The following DCC variants were observed in gnomAD, a reference collection of about 807,000 sequenced individuals.
DCC encodes the protein netrin receptor DCC.
Under a neutral mutation model 172.5 loss-of-function variants are expected in DCC, and 58 were observed. That is an observed-to-expected ratio of 0.34 (90% confidence interval 0.27 to 0.42). The LOEUF (loss-of-function observed/expected upper bound fraction) is 0.42, where lower values mean the gene tolerates loss of function less well. DCC is among the 10% of genes least tolerant of loss of function. DCC has a pLI of 1.00. For synonymous variants in DCC, 709 were observed against 644.5 expected, an observed-to-expected ratio of 1.10 and a Z score of -1.52; for missense variants, 1,740 against 1,791.0, an observed-to-expected ratio of 0.97 and a Z score of 0.51.
At chr18:53,398,187 A>C (rs1035722092) in intron 18 of DCC, among the ~76,000 whole-genome samples, 1 of 152,120 alleles carries the variant, frequency 6.6e-6, no homozygotes, top group Non-Finnish European at 1.5e-5. Context: ...GGTAAACTGC[A>C]CCAATTTTCA....
At chr18:52,772,511 G>C (rs559006035) in intron 2 of DCC, among the ~76,000 whole-genome samples, 46 of 152,248 alleles carry the variant, frequency 3.0e-4, no homozygotes, top group African/African-American at 9.4e-4. Flanking sequence ...TAATGTCCAA[G>C]GTACTTAATC....
chr18:53,272,323 G>A (rs1163063229), intron 12 of DCC, among the ~76,000 whole-genome samples: 2 of 152,040 alleles, frequency 1.3e-5, no homozygotes, highest in African/African-American at 4.8e-5. Context: ...TAAAATATTT[G>A]AGAAAACAAC....
chr18:53,394,165 G>T (rs930646249), intron 17 of DCC, among the ~76,000 whole-genome samples: 4 of 152,068 alleles, frequency 2.6e-5, no homozygotes, highest in Non-Finnish European at 4.4e-5. Flanking sequence ...CATGACCTGG[G>T]CTCATGGGTT....
intron 1 of DCC, among the ~76,000 whole-genome samples, chr18:52,430,455 C>T (rs1025909): frequency 0.019 from 2,859 of 152,022 alleles, 85 homozygotes; most frequent in African/African-American, 0.065. Context: ...AAGTGTGACT[C>T]GGAGGTTCTT....
intron 15 of DCC, among the ~76,000 whole-genome samples, chr18:53,367,029 C>G (rs1374116573): frequency 6.6e-6 from 1 of 152,050 alleles, no homozygotes; most frequent in East Asian, 1.9e-4. Flanking sequence ...TTGTCTGTAC[C>G]CTAACTAATA....
intron 25 of DCC, among the ~76,000 whole-genome samples, chr18:53,473,634 T>G (rs2045725660): frequency 6.6e-6 from 1 of 152,170 alleles, no homozygotes; most frequent in Non-Finnish European, 1.5e-5. Context: ...CCTCACAATA[T>G]TATCATGTGG....
At chr18:52,760,123 C>T (rs1367129956) in intron 2 of DCC, among the ~76,000 whole-genome samples, 3 of 152,162 alleles carry the variant, frequency 2.0e-5, no homozygotes, top group East Asian at 1.9e-4. Context: ...GTTTAATTGA[C>T]TCACAGTTCT....
chr18:53,029,476 A>C, intron 5 of DCC, among the ~76,000 whole-genome samples: 1 of 152,148 alleles, frequency 6.6e-6, no homozygotes, highest in East Asian at 1.9e-4. Flanking sequence ...GGCAGAGTCA[A>C]TTATACCTTC....
chr18:52,629,363 T>A (rs1039470292), intron 1 of DCC, among the ~76,000 whole-genome samples: 1 of 152,240 alleles, frequency 6.6e-6, no homozygotes, highest in East Asian at 1.9e-4. Context: ...TTTTTTCATT[T>A]TTTAAGCTGA....
At chr18:52,460,755 AG>A (rs1482563517) in intron 1 of DCC, among the ~76,000 whole-genome samples, 1 of 152,236 alleles carries the variant, frequency 6.6e-6, no homozygotes, top group African/African-American at 2.4e-5. Context: ...ATCTAAACAT[AG>A]AAAAGGTACA....
intron 14 of DCC, among the ~76,000 whole-genome samples, chr18:53,324,800 C>T (rs1441159568): frequency 1.3e-5 from 2 of 152,054 alleles, no homozygotes; most frequent in Admixed American, 6.6e-5. Context: ...AATTAAGCTT[C>T]AAATTTTATA....
intron 5 of DCC, among the ~76,000 whole-genome samples, chr18:53,036,939 C>A (rs180903814): frequency 6.6e-6 from 1 of 152,090 alleles, no homozygotes; most frequent in Admixed American, 6.6e-5. Flanking sequence ...AGCTGATATA[C>A]ATTTTCAAGG....
intron 15 of DCC, among the ~76,000 whole-genome samples, chr18:53,361,687 A>T (rs578050483): frequency 1.3e-5 from 2 of 152,326 alleles, no homozygotes; most frequent in South Asian, 4.1e-4. Context: ...TTTCAAATTC[A>T]TCCTATCTAC....
chr18:53,282,319 G>A (rs1001674276), intron 12 of DCC, among the ~76,000 whole-genome samples: 3 of 152,110 alleles, frequency 2.0e-5, no homozygotes, highest in African/African-American at 7.2e-5. Flanking sequence ...TGTTTTCCAG[G>A]CAAGAGCATC....
intron 7 of DCC, among the ~76,000 whole-genome samples, chr18:53,146,679 A>G (rs554500967): frequency 1.3e-5 from 2 of 152,338 alleles, no homozygotes; most frequent in East Asian, 3.9e-4. Context: ...AAAAAAGGTC[A>G]CTGATTATAC....
intron 2 of DCC, among the ~76,000 whole-genome samples, chr18:52,868,111 GTA>G (rs771803498): frequency 1.3e-5 from 2 of 150,238 alleles, no homozygotes; most frequent in African/African-American, 2.5e-5. Flanking sequence ...GTGTATATTT[GTA>G]TATATATGTG....
At chr18:52,591,122 G>A (rs571303178) in intron 1 of DCC, among the ~76,000 whole-genome samples, 1 of 152,226 alleles carries the variant, frequency 6.6e-6, no homozygotes, top group Admixed American at 6.5e-5. Context: ...GCATTAAAAA[G>A]CATTGATTCT....
chr18:52,549,552 C>G (rs1162715582), intron 1 of DCC, among the ~76,000 whole-genome samples: 1 of 152,078 alleles, frequency 6.6e-6, no homozygotes, highest in Non-Finnish European at 1.5e-5. Context: ...GTTTTTCTAC[C>G]TATTCCTGTA....
intron 5 of DCC, among the ~76,000 whole-genome samples, chr18:53,055,772 G>A (rs1008465024): frequency 1.6e-4 from 25 of 152,194 alleles, no homozygotes; most frequent in Admixed American, 1.3e-3. Flanking sequence ...CACTTGTCAC[G>A]TAAGAAAAGG....
Sources: allele counts gnomAD v4.1 joint callset (sites outside exome capture counted in the v4.1 genomes callset), GRCh38; gene constraint gnomAD v4.1.1; transcripts MANE v1.5; gene names NCBI Gene and HGNC (gene_info 2026-07-23, HGNC 2026-07-21).